Variants in CCDC102B observed in about 807,000 individuals in gnomAD.
CCDC102B encodes coiled-coil domain containing 102B, also known as coiled-coil domain-containing protein 102B.
CCDC102B carries 75 observed loss-of-function variants against 57.4 expected under a neutral mutation model. That is an observed-to-expected ratio of 1.31 (90% CI 1.08 to 1.58). CCDC102B has a LOEUF of 1.58. CCDC102B is among the 40% of genes most tolerant of loss of function. The pLI is 0.00. For missense variants in CCDC102B, 636 were observed against 582.6 expected (o/e 1.09, Z -0.94); for synonymous variants, 206 against 201.9 (o/e 1.02, Z -0.17).
chr18:68,797,920 CCA>C, upstream of CCDC102B, among the ~76,000 whole-genome samples: 1 of 151,934 alleles, frequency 6.6e-6, no homozygotes, highest in East Asian at 1.9e-4. Flanking sequence ...CTTTGGATAA[CCA>C]TACTTAGGGA....
chr18:68,766,969 G>A (rs1446336316), intron 2 of CCDC102B, among the ~76,000 whole-genome samples: 2 of 151,184 alleles, frequency 1.3e-5, no homozygotes, highest in African/African-American at 2.4e-5. Context: ...TCCCCATTTC[G>A]TGGATAAGAA....
intron 1 of CCDC102B, among the ~76,000 whole-genome samples, chr18:68,828,682 C>T (rs1218945534): frequency 6.6e-6 from 1 of 151,374 alleles, no homozygotes; most frequent in Non-Finnish European, 1.5e-5. Flanking sequence ...TAGAAAAAAA[C>T]TTAGAAAAAC....
intron 1 of CCDC102B, among the ~76,000 whole-genome samples, chr18:68,715,977 G>A (rs1019835829): frequency 6.6e-6 from 1 of 152,114 alleles, no homozygotes; most frequent in African/African-American, 2.4e-5. Context: ...ATAAAACGTC[G>A]TTATTCCTAG....
intron 2 of CCDC102B, among the ~76,000 whole-genome samples, chr18:68,749,809 C>G (rs770607648): frequency 1.3e-5 from 2 of 152,106 alleles, no homozygotes; most frequent in Non-Finnish European, 2.9e-5. Context: ...ACTTCCTAGA[C>G]CTAAAACCAT....
At chr18:68,727,947 A>G (rs1298225277) in intron 2 of CCDC102B, among the ~76,000 whole-genome samples, 2 of 152,170 alleles carry the variant, frequency 1.3e-5, no homozygotes, top group African/African-American at 4.8e-5. Flanking sequence ...CAATAAAGAT[A>G]CCCCTGTCTC....
chr18:69,043,876 C>G (rs537869591), intron 7 of CCDC102B, among the ~76,000 whole-genome samples: 1 of 152,100 alleles, frequency 6.6e-6, no homozygotes, highest in East Asian at 1.9e-4. Flanking sequence ...ACAATACATC[C>G]CAGTTGTTTT....
chr18:69,026,999 C>T (rs1255843201), intron 7 of CCDC102B, among the ~76,000 whole-genome samples: 1 of 152,208 alleles, frequency 6.6e-6, no homozygotes, highest in Non-Finnish European at 1.5e-5. Flanking sequence ...TTCTGTTCCT[C>T]CACTTCGTCC....
At chr18:69,044,283 A>G (rs1379318738) in intron 7 of CCDC102B, among the ~76,000 whole-genome samples, 1 of 152,126 alleles carries the variant, frequency 6.6e-6, no homozygotes, top group East Asian at 1.9e-4. Flanking sequence ...ATTGCTTCCA[A>G]AAACAATTAA....
chr18:69,017,150 T>A (rs1568127726), intron 7 of CCDC102B, among the ~76,000 whole-genome samples: 1 of 152,158 alleles, frequency 6.6e-6, no homozygotes, highest in Non-Finnish European at 1.5e-5. Context: ...TGGTCTCACT[T>A]TGTCACCCAA....
Position 68,836,729 on chromosome 18 carries a change from T to C in CCDC102B, c.-15-20T>C. ...CAAGGGAAATTTCAGCGTGAAATTA[T>C]GGTCTCTATCTTTTCTCAGGTCTTA... On this transcript the variant is annotated intron_variant, in intron 1 of 7. Transcript: ENST00000360242. 1 of 1,572,248 alleles carries C rather than the reference T, an allele frequency of 6.4e-7. No individual in the cohort carries two copies. The highest frequency in any genetic ancestry group is 8.6e-7 in the Non-Finnish European group (1 of 1,161,512).
intron 1 of CCDC102B, among the ~76,000 whole-genome samples, chr18:68,821,433 A>G (rs1428174787): frequency 6.6e-6 from 1 of 151,450 alleles, no homozygotes; most frequent in Non-Finnish European, 1.5e-5. Flanking sequence ...TGGATGCACT[A>G]TACAATCTCT....
At chr18:68,928,729 G>A (rs1399230849) in intron 6 of CCDC102B, among the ~76,000 whole-genome samples, 3 of 151,792 alleles carry the variant, frequency 2.0e-5, no homozygotes, top group South Asian at 2.1e-4. Context: ...TTTAATAATC[G>A]TTACGTTAGG....
chr18:69,051,794 A>T (rs1479075235), intron 7 of CCDC102B, among the ~76,000 whole-genome samples: 1 of 152,038 alleles, frequency 6.6e-6, no homozygotes, highest in Admixed American at 6.6e-5. Context: ...AGTCTATTCA[A>T]TATTTGCACT....
chr18:68,814,447 T>C (rs1220694362), intron 1 of CCDC102B, among the ~76,000 whole-genome samples: 2 of 152,124 alleles, frequency 1.3e-5, no homozygotes, highest in Non-Finnish European at 2.9e-5. Context: ...TCTTCCTTCA[T>C]AGAAACATTA....
At chr18:68,778,598 A>G (rs754086573) in intron 2 of CCDC102B, among the ~76,000 whole-genome samples, 1 of 152,152 alleles carries the variant, frequency 6.6e-6, no homozygotes, top group East Asian at 1.9e-4. Flanking sequence ...AACTTTCCCT[A>G]AAGTCACTCA....
At chr18:69,022,874 C>T (rs2051884040) in intron 7 of CCDC102B, among the ~76,000 whole-genome samples, 1 of 151,750 alleles carries the variant, frequency 6.6e-6, no homozygotes, top group Non-Finnish European at 1.5e-5. Flanking sequence ...GGGAAAGGTA[C>T]AGGGTCTTTG....
At chr18:68,902,898 A>G (rs1236887132) in intron 6 of CCDC102B, among the ~76,000 whole-genome samples, 1 of 152,138 alleles carries the variant, frequency 6.6e-6, no homozygotes, top group Non-Finnish European at 1.5e-5. Context: ...TGGATGAAGG[A>G]TTGCATTATG....
intron 1 of CCDC102B, among the ~76,000 whole-genome samples, chr18:68,823,796 C>G (rs1355215592): frequency 6.6e-6 from 1 of 151,800 alleles, no homozygotes; most frequent in African/African-American, 2.4e-5. Flanking sequence ...TTTGTATTTC[C>G]CTGATGGTTA....
intron 6 of CCDC102B, among the ~76,000 whole-genome samples, chr18:68,933,169 G>A (rs1299189358): frequency 6.6e-6 from 1 of 151,794 alleles, no homozygotes; most frequent in Non-Finnish European, 1.5e-5. Context: ...TTGAAGTGGA[G>A]GTAGGACCCA....
Sources: allele counts gnomAD v4.1 joint callset (sites outside exome capture counted in the v4.1 genomes callset), GRCh38; gene constraint gnomAD v4.1.1; transcripts MANE v1.5; gene names NCBI Gene and HGNC (gene_info 2026-07-23, HGNC 2026-07-21).